MSTO1: variants seen among roughly 807,000 people sequenced by gnomAD.
The protein encoded by MSTO1 is protein misato homolog 1.
In MSTO1, 24 loss-of-function variants were observed where a neutral mutation model predicts 55.7. The observed-to-expected ratio is 0.43, with a 90% CI of 0.31 to 0.61. MSTO1 has a LOEUF of 0.61. Among genes scored for constraint, MSTO1 ranks in the 20% least tolerant of loss-of-function variants. The pLI is 0.09. For missense variants in MSTO1, 363 were observed against 625.7 expected (o/e 0.58, Z 4.48); for synonymous variants, 162 against 252.8 (o/e 0.64, Z 3.41).
the MSTO1 span, among the ~76,000 whole-genome samples, chr1:155,579,802 AT>A: frequency 6.6e-6 from 1 of 151,982 alleles, no homozygotes; most frequent in African/African-American, 2.4e-5. Context: ...AATCTTAAGC[AT>A]CTGTGGTTCT....
the MSTO1 span, among the ~76,000 whole-genome samples, chr1:155,567,849 A>G: frequency 6.6e-6 from 1 of 151,394 alleles, no homozygotes; most frequent in Admixed American, 6.6e-5. Context: ...AGCCTGGCCA[A>G]CATGATGAAA....
the MSTO1 span, among the ~76,000 whole-genome samples, chr1:155,599,682 C>T: frequency 8.5e-5 from 13 of 152,196 alleles, no homozygotes; most frequent in African/African-American, 2.4e-4. Context: ...TGGAGGATCC[C>T]GCCAGCCTCT....
chr1:155,613,262 T>G lies in MSTO1; in HGVS notation c.1283+29T>G, dbSNP rs545584712. 14 of 1,602,558 alleles carry G rather than the reference T, an allele frequency of 8.7e-6. No homozygotes were observed. The African/African-American group carries it at 1.1e-4, about 12-fold the overall frequency. Reference sequence around the variant, plus strand: ...AGAGCTGTTGGTCCTTAGGAGTCCTTGTCAGATTTTTGTCTCATATCCATC... The same window carrying G: ...AGAGCTGTTGGTCCTTAGGAGTCCTGGTCAGATTTTTGTCTCATATCCATC... On this transcript the variant is annotated intron_variant, in intron 11 of 13. Coordinates refer to ENST00000245564, the MANE Select transcript of MSTO1 (RefSeq NM_018116.4).
At chr1:155,591,022 C>A in the MSTO1 span, 7 of 1,613,864 alleles carry the variant, frequency 4.3e-6, no homozygotes, top group Non-Finnish European at 5.9e-6. Flanking sequence ...ACAGACGGCA[C>A]GTGCAGCCTG....
the MSTO1 span, among the ~76,000 whole-genome samples, chr1:155,569,779 C>G: frequency 6.6e-6 from 1 of 151,358 alleles, no homozygotes; most frequent in African/African-American, 2.4e-5. Flanking sequence ...GTTTTTTTTA[C>G]GAAAATGTTT....
the MSTO1 span, among the ~76,000 whole-genome samples, chr1:155,588,153 G>C: frequency 9.4e-5 from 14 of 149,470 alleles, no homozygotes; most frequent in Non-Finnish European, 2.1e-4. Context: ...AGGTTGCAGT[G>C]AGCCGTGACT....
At chr1:155,577,189 C>T in the MSTO1 span, among the ~76,000 whole-genome samples, 1 of 151,026 alleles carries the variant, frequency 6.6e-6, no homozygotes, top group Non-Finnish European at 1.5e-5. Context: ...CCCAGGTTCA[C>T]GCCATTCTCC....
the MSTO1 span, among the ~76,000 whole-genome samples, chr1:155,604,047 A>G: frequency 2.6e-5 from 4 of 152,332 alleles, no homozygotes; most frequent in East Asian, 7.7e-4. Context: ...AGCCTCTAGA[A>G]AGATGGAAGA....
At chr1:155,583,778 T>C in the MSTO1 span, among the ~76,000 whole-genome samples, 1 of 152,174 alleles carries the variant, frequency 6.6e-6, no homozygotes, top group Non-Finnish European at 1.5e-5. Flanking sequence ...CTGGACCATG[T>C]CACACACTCC....
chr1:155,563,675 T>C, the MSTO1 span: 22 of 416,882 alleles, frequency 5.3e-5, no homozygotes, highest in South Asian at 3.5e-4. Context: ...GTTCTGGACT[T>C]AGTCTCCCTT....
At chr1:155,610,057 G>C, upstream of MSTO1, 1 of 618,838 alleles carries the variant, frequency 1.6e-6, no homozygotes, top group Non-Finnish European at 2.8e-6. Context: ...GGCAACCACA[G>C]AGAAGCCGGA....
the MSTO1 span, among the ~76,000 whole-genome samples, chr1:155,604,681 G>A: frequency 2.6e-5 from 4 of 151,906 alleles, no homozygotes; most frequent in Admixed American, 6.6e-5. Context: ...TTCAAAGCCC[G>A]TCTGGGCAAC....
chr1:155,614,953 C>G, downstream of MSTO1: 5 of 994,702 alleles, frequency 5.0e-6, no homozygotes, highest in South Asian at 6.9e-5. Context: ...TTTGCAAAAT[C>G]TTTTGTTTAT....
the MSTO1 span, among the ~76,000 whole-genome samples, chr1:155,583,446 G>C: frequency 6.6e-6 from 1 of 152,082 alleles, no homozygotes; most frequent in African/African-American, 2.4e-5. Context: ...GCTGAGGCAG[G>C]AGGATTGCTT....
At chr1:155,597,188 G>T in the MSTO1 span, among the ~76,000 whole-genome samples, 2 of 152,100 alleles carry the variant, frequency 1.3e-5, no homozygotes, top group Admixed American at 6.6e-5. Flanking sequence ...AGAAGACAAG[G>T]TTGTGCATGG....
At chr1:155,567,189 T>C in the MSTO1 span, among the ~76,000 whole-genome samples, 1 of 151,476 alleles carries the variant, frequency 6.6e-6, no homozygotes, top group African/African-American at 2.4e-5. Context: ...AGTGGAGCAA[T>C]CTCAACTCAC....
At chr1:155,593,296 G>A in the MSTO1 span, among the ~76,000 whole-genome samples, 1 of 152,172 alleles carries the variant, frequency 6.6e-6, no homozygotes, top group African/African-American at 2.4e-5. Context: ...AAAAGACTAA[G>A]TACTTATAGT....
chr1:155,598,981 T>C, the MSTO1 span: 7 of 963,044 alleles, frequency 7.3e-6, no homozygotes, highest in African/African-American at 3.4e-5. Flanking sequence ...GGTAGTCTTG[T>C]AGCTTTAATT....
upstream of MSTO1, among the ~76,000 whole-genome samples, chr1:155,608,286 C>G (rs1324586961): frequency 6.6e-6 from 1 of 152,154 alleles, no homozygotes; most frequent in Non-Finnish European, 1.5e-5. Context: ...ACCCTAGCCT[C>G]TGGTTAGGAC....
Sources: gnomAD v4.1 joint callset for allele counts (sites outside exome capture counted in the v4.1 genomes callset) on GRCh38, gnomAD v4.1.1 for gene constraint, MANE v1.5 for transcripts, NCBI Gene and HGNC (gene_info 2026-07-23, HGNC 2026-07-21) for gene names.